The following NCAM1 variants were observed in gnomAD, a reference collection of about 807,000 sequenced individuals.
NCAM1 encodes antigen recognized by monoclonal antibody 5.1H11.
A neutral mutation model predicts 109.8 loss-of-function variants in NCAM1; 14 were observed. That is an observed-to-expected ratio of 0.13 (90% CI 0.08 to 0.20). The LOEUF is 0.20. Among genes scored for constraint, NCAM1 ranks in the 10% least tolerant of loss-of-function variants. The probability of loss-of-function intolerance (pLI) is 1.00; values close to 1 mark genes in which losing one functional copy is unlikely to be tolerated. For missense variants in NCAM1, 774 were observed against 1,109.9 expected (o/e 0.70, Z 4.30); for synonymous variants, 418 against 442.9 (o/e 0.94, Z 0.70).
chr11:113,220,164 A>G (rs1471301274), intron 8 of NCAM1, among the ~76,000 whole-genome samples: 1 of 152,234 alleles, frequency 6.6e-6, no homozygotes, highest in East Asian at 1.9e-4. Flanking sequence ...ATAAACTGTA[A>G]GGAGAATAGA....
chr11:113,221,409 T>G (rs1019732355), intron 9 of NCAM1, 84 bp downstream of exon 9: 20 of 1,372,634 alleles, frequency 1.5e-5, no homozygotes, highest in Middle Eastern at 1.8e-4. Context: ...TAACCAGACA[T>G]GCTAAACTAA....
chr11:113,205,928 G>A (rs533974441), intron 4 of NCAM1, 115 bp from the exon 5 acceptor site: 19 of 1,344,856 alleles, frequency 1.4e-5, no homozygotes, highest in African/African-American at 1.3e-4. Context: ...TCTTATTTGG[G>A]CTTAAAACCC....
At chr11:112,991,746 T>G (rs1951462127) in intron 1 of NCAM1, among the ~76,000 whole-genome samples, 1 of 152,228 alleles carries the variant, frequency 6.6e-6, no homozygotes. Flanking sequence ...TTGGTAATAA[T>G]TTTAGACATA....
intron 4 of NCAM1, 95 bp downstream of exon 4, chr11:113,205,761 A>G: frequency 6.8e-7 from 1 of 1,472,092 alleles, no homozygotes; most frequent in Non-Finnish European, 9.2e-7. Context: ...CCAAACTCCA[A>G]TTCATGTGTG....
intron 1 of NCAM1, among the ~76,000 whole-genome samples, chr11:112,974,981 T>C (rs73002366): frequency 2.0e-5 from 3 of 152,014 alleles, no homozygotes; most frequent in Non-Finnish European, 1.5e-5. Flanking sequence ...TTTTTTGAAG[T>C]CTTTTATCTT....
intron 1 of NCAM1, among the ~76,000 whole-genome samples, chr11:113,117,808 T>C (rs1940775534): frequency 6.6e-6 from 1 of 152,006 alleles, no homozygotes; most frequent in Non-Finnish European, 1.5e-5. Context: ...CAAGTAAACA[T>C]GCATCTTTTT....
chr11:113,263,976 ACT>A lies in NCAM1; in HGVS notation c.2131+3657_2131+3658del, dbSNP rs1345187945. The A allele has an allele frequency of 3.0e-5, 30 of 984,692 alleles. No homozygotes were observed. In the African/African-American group the frequency reaches 5.3e-4, roughly 17 times the overall value. The allele number at this position is 984,692 out of a possible 1,614,324, so 61.0% of individuals were successfully genotyped here. A position where few individuals can be genotyped will look rare whatever the true frequency, so the allele number is the denominator to read the frequency against. The stretch of plus-strand genomic sequence containing the variant: ...GCGTTGGTTCAGTGACATTTTCTAA[ACT>A]CTCCTGAAAATCCAGCTGCTCCTCC... On this transcript the variant is annotated intron_variant, in intron 17 of 19. Coordinates refer to ENST00000316851, the MANE Select transcript of NCAM1 (RefSeq NM_181351.5).
intron 9 of NCAM1, among the ~76,000 whole-genome samples, chr11:113,226,643 C>G (rs930083932): frequency 3.3e-5 from 5 of 152,218 alleles, no homozygotes; most frequent in Non-Finnish European, 5.9e-5. Flanking sequence ...CTCAGCACCA[C>G]ACCGCACTTG....
chr11:113,240,377 T>G (rs1226678530), intron 14 of NCAM1: 4 of 206,956 alleles, frequency 1.9e-5, no homozygotes, highest in Non-Finnish European at 3.8e-5. Flanking sequence ...CATATATAGA[T>G]GTGTAACATG....
In NCAM1 at chr11:113,199,639, G is replaced by T. The variant is rs545441966; in HGVS notation, c.53-2740G>T. Among the ~76,000 whole-genome samples, 325 of 151,390 alleles carry T rather than the reference G, an allele frequency of 2.1e-3. 2 individuals carry two copies. Among genetic ancestry groups the T allele is most frequent in the African/African-American group, 7.0e-3 (289 of 41,146 alleles). ...CACGCTCTGGGGACTGTTGTGGGGT[G>T]GGGGGACGGGGGAGGGATAGCATTA... On this transcript the variant is annotated intron_variant, in intron 1 of 19. Transcript: ENST00000316851.
chr11:113,246,588 T>C (rs1490645577), intron 15 of NCAM1, among the ~76,000 whole-genome samples: 1 of 152,220 alleles, frequency 6.6e-6, no homozygotes, highest in Non-Finnish European at 1.5e-5. Flanking sequence ...TTCAAGAAAT[T>C]TGGTCACACA....
intron 9 of NCAM1, among the ~76,000 whole-genome samples, chr11:113,225,380 G>A (rs1423481575): frequency 2.6e-4 from 40 of 152,136 alleles, no homozygotes; most frequent in Admixed American, 2.6e-3. Flanking sequence ...GAAGTTTAGA[G>A]AAAAAAGAAT....
At chr11:113,061,646 A>G (rs573747573) in intron 1 of NCAM1, among the ~76,000 whole-genome samples, 14 of 152,218 alleles carry the variant, frequency 9.2e-5, no homozygotes, top group Non-Finnish European at 1.9e-4. Context: ...ACATGGGACA[A>G]ATACGTGGAA....
At chr11:113,031,686 C>CA (rs35745699) in intron 1 of NCAM1, among the ~76,000 whole-genome samples, 27,390 of 130,690 alleles carry the variant, frequency 0.21, 2,789 homozygotes, top group East Asian at 0.38. Flanking sequence ...GAGACTGTCT[C>CA]AAAAAAAAAA....
At chr11:113,028,044 G>C (rs1952604636) in intron 1 of NCAM1, among the ~76,000 whole-genome samples, 1 of 152,182 alleles carries the variant, frequency 6.6e-6, no homozygotes, top group Admixed American at 6.5e-5. Context: ...AGGCTGGAGA[G>C]GGGAAAGGGG....
chr11:113,101,831 T>C (rs1555091591), intron 1 of NCAM1, among the ~76,000 whole-genome samples: 1 of 152,204 alleles, frequency 6.6e-6, no homozygotes, highest in African/African-American at 2.4e-5. Context: ...ACTTAACAAA[T>C]TTGGCCTTGC....
Position 113,235,428 on chromosome 11 carries a change from G to A in NCAM1, c.1825+264G>A, listed in dbSNP as rs558911884. 1.4e-5 allele frequency: 10 copies of A among 728,052 alleles called. No individual in the cohort carries two copies. The Middle Eastern group carries it at 1.7e-3, about 124-fold the overall frequency. 45.1% of individuals were successfully genotyped at this position (728,052 alleles called of 1,614,324 possible). Reference sequence around the variant, plus strand: ...TGTTAGAATAACAGTGAAGGGGAAGGCACCAACACATTATTAAAGGAAGTG... The same window carrying A: ...TGTTAGAATAACAGTGAAGGGGAAGACACCAACACATTATTAAAGGAAGTG... On this transcript the variant is annotated intron_variant, in intron 14 of 19. Transcript: ENST00000316851.
chr11:113,264,251 G>C, intron 17 of NCAM1: 1 of 985,056 alleles, frequency 1.0e-6, no homozygotes, highest in Non-Finnish European at 1.2e-6. Flanking sequence ...TTTTTCTGTT[G>C]TTATTATTTT....
intron 1 of NCAM1, among the ~76,000 whole-genome samples, chr11:113,047,239 T>G (rs1472387288): frequency 6.6e-6 from 1 of 152,220 alleles, no homozygotes; most frequent in Non-Finnish European, 1.5e-5. Flanking sequence ...AATATTTATT[T>G]AACTAAGTAT....
Sources: allele counts gnomAD v4.1 joint callset (sites outside exome capture counted in the v4.1 genomes callset), GRCh38; gene constraint gnomAD v4.1.1; transcripts MANE v1.5; gene names NCBI Gene and HGNC (gene_info 2026-07-23, HGNC 2026-07-21).